Variants in MGAT4C observed in about 807,000 individuals in gnomAD.
MGAT4C encodes the protein alpha-1,3-mannosyl-glycoprotein 4-beta-N-acetylglucosaminyltransferase C.
Under a neutral mutation model 40.1 loss-of-function variants are expected in MGAT4C, and 19 were observed. The ratio of observed to expected loss-of-function variants is 0.47; its 90% CI spans 0.33 to 0.70. The LOEUF (loss-of-function observed/expected upper bound fraction) is 0.70. Ranked by LOEUF, MGAT4C falls within the 30% of genes least tolerant of loss-of-function variation. MGAT4C has a pLI of 0.02. For synonymous variants in MGAT4C, 181 were observed against 187.1 expected, an observed-to-expected ratio of 0.97 and a Z score of 0.27; for missense variants, 491 against 563.2, an observed-to-expected ratio of 0.87 and a Z score of 1.30.
At chr12:86,603,674 A>C (rs1429759885) in intron 2 of MGAT4C, among the ~76,000 whole-genome samples, 2 of 128,834 alleles carry the variant, frequency 1.6e-5, no homozygotes, top group African/African-American at 2.9e-5. Flanking sequence ...TATATATAGT[A>C]TATATACTAT....
chr12:86,030,097 G>C (rs1457322245), intron 2 of MGAT4C, among the ~76,000 whole-genome samples: 1 of 151,746 alleles, frequency 6.6e-6, no homozygotes, highest in East Asian at 1.9e-4. Flanking sequence ...GAAGAAAAGA[G>C]ATGGCAATAG....
intron 1 of MGAT4C, among the ~76,000 whole-genome samples, chr12:86,752,174 C>A (rs1951239054): frequency 6.6e-6 from 1 of 151,802 alleles, no homozygotes; most frequent in African/African-American, 2.4e-5. Context: ...ATATTTCTGG[C>A]CTGTTGGACT....
chr12:86,656,709 G>GT (rs978440837), intron 2 of MGAT4C, among the ~76,000 whole-genome samples: 19 of 151,714 alleles, frequency 1.3e-4, no homozygotes, highest in South Asian at 2.1e-4. Context: ...GAAACCTTGT[G>GT]TTTTTTTTGT....
intron 1 of MGAT4C, among the ~76,000 whole-genome samples, chr12:86,196,264 TGCC>T (rs1949798144): frequency 6.6e-6 from 1 of 152,222 alleles, no homozygotes; most frequent in Non-Finnish European, 1.5e-5. Flanking sequence ...CAGCCCTGTT[TGCC>T]TAACAAGGCA....
At chr12:86,439,011 A>G (rs1351988405) in intron 2 of MGAT4C, among the ~76,000 whole-genome samples, 2 of 151,920 alleles carry the variant, frequency 1.3e-5, no homozygotes, top group Non-Finnish European at 2.9e-5. Context: ...AGAGGCAAAC[A>G]CCAACACAAT....
intron 2 of MGAT4C, among the ~76,000 whole-genome samples, chr12:86,019,409 G>C (rs778307784): frequency 6.6e-5 from 10 of 152,032 alleles, no homozygotes; most frequent in Non-Finnish European, 1.0e-4. Context: ...TTAAACACAG[G>C]CCTTTGTAAA....
At chr12:85,988,894 G>A (rs558947580) in intron 3 of MGAT4C, among the ~76,000 whole-genome samples, 1 of 151,908 alleles carries the variant, frequency 6.6e-6, no homozygotes, top group Non-Finnish European at 1.5e-5. Flanking sequence ...ATAAAACAGA[G>A]TGGCCATCTA....
chr12:86,513,519 A>C (rs1331687153), intron 2 of MGAT4C, among the ~76,000 whole-genome samples: 1 of 152,176 alleles, frequency 6.6e-6, no homozygotes, highest in Non-Finnish European at 1.5e-5. Flanking sequence ...CCAAACATAA[A>C]GCCATACATA....
At chr12:86,467,392 G>A (rs917849969) in intron 2 of MGAT4C, among the ~76,000 whole-genome samples, 1 of 152,122 alleles carries the variant, frequency 6.6e-6, no homozygotes, top group Admixed American at 6.5e-5. Context: ...CCATGGAGTA[G>A]GTCCACGTTA....
chr12:86,067,173 A>G (rs918926219), intron 1 of MGAT4C, among the ~76,000 whole-genome samples: 1 of 152,224 alleles, frequency 6.6e-6, no homozygotes, highest in Non-Finnish European at 1.5e-5. Context: ...ATCTATAACC[A>G]GAAATACCAT....
intron 2 of MGAT4C, among the ~76,000 whole-genome samples, chr12:86,019,892 G>A (rs542573955): frequency 1.3e-5 from 2 of 152,156 alleles, no homozygotes; most frequent in South Asian, 2.1e-4. Context: ...AGTTCTCCTT[G>A]AAGAGGTCCT....
chr12:86,147,408 A>AT (rs1177878301), intron 1 of MGAT4C, among the ~76,000 whole-genome samples: 2 of 151,878 alleles, frequency 1.3e-5, no homozygotes, highest in South Asian at 2.1e-4. Context: ...CGCCCAGCTA[A>AT]TTTTTTGTAT....
intron 1 of MGAT4C, among the ~76,000 whole-genome samples, chr12:86,249,733 C>G (rs1308908888): frequency 2.0e-5 from 3 of 152,152 alleles, no homozygotes; most frequent in Non-Finnish European, 4.4e-5. Flanking sequence ...ACTGTGCTTT[C>G]TCTTCTCATT....
At chr12:86,188,759 CT>C (rs1889049109) in intron 1 of MGAT4C, among the ~76,000 whole-genome samples, 1 of 151,926 alleles carries the variant, frequency 6.6e-6, no homozygotes, top group South Asian at 2.1e-4. Context: ...GCAAGGGACA[CT>C]GTGAACTTTC....
At chr12:86,255,716 A>G (rs1379599047) in intron 1 of MGAT4C, among the ~76,000 whole-genome samples, 1 of 152,120 alleles carries the variant, frequency 6.6e-6, no homozygotes, top group Non-Finnish European at 1.5e-5. Context: ...AAAGTCCTAC[A>G]ACTTTATTTC....
chr12:86,485,861 C>G (rs1452934359), intron 2 of MGAT4C, among the ~76,000 whole-genome samples: 1 of 152,058 alleles, frequency 6.6e-6, no homozygotes, highest in African/African-American at 2.4e-5. Context: ...AGAATCACAT[C>G]AGGATAGCAG....
intron 3 of MGAT4C, among the ~76,000 whole-genome samples, chr12:86,433,163 C>G (rs1957073510): frequency 6.6e-6 from 1 of 151,954 alleles, no homozygotes; most frequent in Admixed American, 6.6e-5. Flanking sequence ...ATACTTGCTT[C>G]TCTTTCCTAT....
chr12:86,587,979 C>T (rs1248628539), intron 2 of MGAT4C, among the ~76,000 whole-genome samples: 1 of 151,934 alleles, frequency 6.6e-6, no homozygotes, highest in Admixed American at 6.6e-5. Context: ...GAACTTCCAA[C>T]ACTATGTTGA....
chr12:86,568,379 C>A (rs546395371), intron 2 of MGAT4C, among the ~76,000 whole-genome samples: 1 of 152,138 alleles, frequency 6.6e-6, no homozygotes, highest in South Asian at 2.1e-4. Flanking sequence ...CTTGGACTTA[C>A]ACTAGTGGTC....
Sources: gnomAD v4.1 joint callset for allele counts (sites outside exome capture counted in the v4.1 genomes callset) on GRCh38, gnomAD v4.1.1 for gene constraint, MANE v1.5 for transcripts, NCBI Gene and HGNC (gene_info 2026-07-23, HGNC 2026-07-21) for gene names.